VAT1L: variants seen among roughly 807,000 people sequenced by gnomAD.
VAT1L encodes the protein vesicle amine transport 1 like, also known as putative NADPH-dependent quinone oxidoreductase VAT1L.
A neutral mutation model predicts 44.1 loss-of-function variants in VAT1L; 34 were observed. The observed-to-expected ratio is 0.77, with a 90% confidence interval of 0.59 to 1.03. VAT1L has a LOEUF of 1.03. Ranked by LOEUF, VAT1L falls within the 50% of genes least tolerant of loss-of-function variation. VAT1L has a pLI of 0.00. For missense variants in VAT1L, 615 were observed against 538.8 expected (o/e 1.14, Z -1.40); for synonymous variants, 253 against 202.2 (o/e 1.25, Z -2.13).
At chr16:77,934,532 G>A (rs762958541) in intron 7 of VAT1L, among the ~76,000 whole-genome samples, 12 of 152,116 alleles carry the variant, frequency 7.9e-5, no homozygotes, top group Non-Finnish European at 1.6e-4. Flanking sequence ...TTGATTTTAG[G>A]CCAATGAAAA....
Position 77,816,933 on chromosome 16 carries a change from C to T in VAT1L, c.246C>T (p.Phe82=). The change falls in exon 2 of 9, where the codon TTC becomes TTT. Residue 82 remains phenylalanine (F), a synonymous_variant. Coordinates refer to ENST00000302536, the MANE Select transcript of VAT1L (RefSeq NM_020927.3). ...KIRVKACGLN[F]IDLMVRQGNI... is the part of the protein sequence containing the mutation. Reference sequence around the variant, plus strand: ...TTGCTCTTTACAGTGGATTAAACTTCATTGACTTGATGGTGCGACAAGGGA... The same window carrying T: ...TTGCTCTTTACAGTGGATTAAACTTTATTGACTTGATGGTGCGACAAGGGA... The T allele has an allele frequency of 1.2e-6, 2 of 1,613,498 alleles. No homozygotes were observed. The highest frequency in any genetic ancestry group is 1.7e-6 in the Non-Finnish European group (2 of 1,179,724).
chr16:77,914,087 T>A (rs1323956594), intron 7 of VAT1L, among the ~76,000 whole-genome samples: 1 of 152,122 alleles, frequency 6.6e-6, no homozygotes, highest in Non-Finnish European at 1.5e-5. Context: ...CATTAGACAA[T>A]CTGAATTACA....
intron 7 of VAT1L, among the ~76,000 whole-genome samples, chr16:77,902,274 C>G (rs972175856): frequency 6.6e-6 from 1 of 152,188 alleles, no homozygotes; most frequent in Non-Finnish European, 1.5e-5. Flanking sequence ...ATATTCATTT[C>G]TGAGTAATTA....
chr16:77,882,075 G>A (rs545940395), intron 6 of VAT1L: 2 of 152,232 alleles, frequency 1.3e-5, no homozygotes, highest in African/African-American at 4.8e-5. Context: ...TGGAGGTCAA[G>A]AATGAGGATG....
intron 1 of VAT1L, among the ~76,000 whole-genome samples, chr16:77,809,379 G>A (rs570395578): frequency 3.3e-5 from 5 of 152,188 alleles, no homozygotes; most frequent in South Asian, 4.1e-4. Flanking sequence ...CCAGATTTCT[G>A]TTAGCTTCTT....
Position 77,814,245 on chromosome 16 carries a change from G to A in VAT1L, c.234-2676G>A, listed in dbSNP as rs144096140. Reference sequence around the variant, plus strand: ...GAGAAACAGGTCTGATCCAACACTCGGGAGTACTCTGTTAACAATTATTTA... The same window carrying A: ...GAGAAACAGGTCTGATCCAACACTCAGGAGTACTCTGTTAACAATTATTTA... On this transcript the variant is annotated intron_variant, in intron 1 of 8. Coordinates refer to ENST00000302536, the MANE Select transcript of VAT1L (RefSeq NM_020927.3). Among the ~76,000 whole-genome samples the A allele has an allele frequency of 3.2e-3, 480 of 152,204 alleles. 1 individual carries two copies. Among genetic ancestry groups the A allele is most frequent in the Middle Eastern group, 0.031 (9 of 294 alleles).
chr16:77,940,488 C>T (rs1456590878), intron 7 of VAT1L, among the ~76,000 whole-genome samples: 1 of 151,874 alleles, frequency 6.6e-6, no homozygotes, highest in Admixed American at 6.6e-5. Flanking sequence ...GGATTACAGG[C>T]ACGTGCTACC....
intron 1 of VAT1L, 56 bp downstream of exon 1, chr16:77,788,971 A>C: frequency 8.4e-5 from 94 of 1,123,686 alleles, no homozygotes; most frequent in Non-Finnish European, 1.1e-4. Context: ...GGCGCTGGGG[A>C]GGGGGTGGGA....
chr16:77,957,958 A>T (rs2018121652), intron 7 of VAT1L, among the ~76,000 whole-genome samples: 1 of 151,990 alleles, frequency 6.6e-6, no homozygotes, highest in South Asian at 2.1e-4. Context: ...CCCAGCCTGG[A>T]GTACAATGGT....
intron 2 of VAT1L, among the ~76,000 whole-genome samples, chr16:77,818,152 T>C (rs1235182342): frequency 6.6e-6 from 1 of 152,116 alleles, no homozygotes; most frequent in Admixed American, 6.5e-5. Flanking sequence ...CAATAATAAA[T>C]GCAGGACAGG....
intron 3 of VAT1L, among the ~76,000 whole-genome samples, chr16:77,826,269 G>A (rs2016522396): frequency 6.6e-6 from 1 of 151,812 alleles, no homozygotes; most frequent in African/African-American, 2.4e-5. Flanking sequence ...ATGAAAAGTT[G>A]TGTCAATCAT....
intron 7 of VAT1L, among the ~76,000 whole-genome samples, chr16:77,892,255 G>T (rs1018012738): frequency 1.2e-4 from 18 of 152,198 alleles, no homozygotes; most frequent in African/African-American, 4.1e-4. Context: ...AAACTAGGAG[G>T]CAAAGACTCA....
chr16:77,977,052 G>A (rs1269915945), intron 8 of VAT1L, among the ~76,000 whole-genome samples: 1 of 152,234 alleles, frequency 6.6e-6, no homozygotes, highest in Non-Finnish European at 1.5e-5. Context: ...GGTCCCCTGC[G>A]CTCCAGGGGC....
chr16:77,931,439 TC>T (rs1329252373), intron 7 of VAT1L, among the ~76,000 whole-genome samples: 10 of 152,292 alleles, frequency 6.6e-5, no homozygotes, highest in Non-Finnish European at 1.3e-4. Flanking sequence ...AAAATGTGTT[TC>T]ATGGAGGAGT....
chr16:77,949,698 G>A (rs981046046), intron 7 of VAT1L, among the ~76,000 whole-genome samples: 2 of 152,206 alleles, frequency 1.3e-5, no homozygotes, highest in African/African-American at 4.8e-5. Context: ...CTTCCGCCAT[G>A]AGCAGAAACA....
At chr16:77,795,813 C>CTTTTTTTTTTTTT (rs56725954) in intron 1 of VAT1L, among the ~76,000 whole-genome samples, 15 of 100,578 alleles carry the variant, frequency 1.5e-4, no homozygotes, top group Admixed American at 2.3e-4. Flanking sequence ...CCTTTTTTCT[C>CTTTTTTTTTTTTT]TTTTTTTTTT....
chr16:77,859,114 A>G (rs2016889926), intron 3 of VAT1L, among the ~76,000 whole-genome samples: 1 of 151,446 alleles, frequency 6.6e-6, no homozygotes, highest in Non-Finnish European at 1.5e-5. Flanking sequence ...CAGCCTGGGC[A>G]ACAAGAGCGA....
At chr16:77,885,858 C>T (rs1316221754) in intron 7 of VAT1L, among the ~76,000 whole-genome samples, 2 of 152,128 alleles carry the variant, frequency 1.3e-5, no homozygotes, top group Non-Finnish European at 2.9e-5. Context: ...TAGAAAGGCT[C>T]TTTGGGGGTC....
chr16:77,821,969 T>A lies in VAT1L; in HGVS notation c.364-3277T>A, dbSNP rs192831106. Among the ~76,000 whole-genome samples the A allele has an allele frequency of 1.2e-4, 18 of 152,288 alleles. No homozygotes were observed. In the East Asian group the frequency reaches 3.5e-3, roughly 29 times the overall value. ...ATACAAAAGCATAAGGGTGTGAGCA[T>A]GCACTTTCTCGTGTTTCCTGCTGCT... On this transcript the variant is annotated intron_variant, in intron 2 of 8. Coordinates refer to ENST00000302536, the MANE Select transcript of VAT1L (RefSeq NM_020927.3).
Sources: gnomAD v4.1 joint callset for allele counts (sites outside exome capture counted in the v4.1 genomes callset) on GRCh38, gnomAD v4.1.1 for gene constraint, MANE v1.5 for transcripts, NCBI Gene and HGNC (gene_info 2026-07-23, HGNC 2026-07-21) for gene names.